Variants in RBM47 observed in about 807,000 individuals in gnomAD.
The protein encoded by RBM47 is RNA binding motif protein 47, also known as RNA-binding protein 47.
A neutral mutation model predicts 47.1 loss-of-function variants in RBM47; 21 were observed. That is an observed-to-expected ratio of 0.45 (90% confidence interval 0.32 to 0.64). RBM47 has a LOEUF of 0.64. Among genes scored for constraint, RBM47 ranks in the 30% least tolerant of loss-of-function variants. RBM47 has a pLI of 0.05. For synonymous variants in RBM47, 375 were observed against 361.7 expected, an observed-to-expected ratio of 1.04 and a Z score of -0.42; for missense variants, 708 against 870.9, an observed-to-expected ratio of 0.81 and a Z score of 2.35.
intron 2 of RBM47, among the ~76,000 whole-genome samples, chr4:40,526,705 A>C (rs406615): frequency 0.045 from 6,682 of 149,602 alleles, 389 homozygotes; most frequent in African/African-American, 0.14. Context: ...TCCTGAGTAG[A>C]CTGCAGGTGT....
At chr4:40,554,734 T>A (rs1329500714) in intron 1 of RBM47, among the ~76,000 whole-genome samples, 1 of 150,634 alleles carries the variant, frequency 6.6e-6, no homozygotes, top group African/African-American at 2.4e-5. Flanking sequence ...CTTCCTCCCT[T>A]CCCCCCATCT....
chr4:40,532,504 G>T (rs1490285160), intron 2 of RBM47, among the ~76,000 whole-genome samples: 1 of 149,302 alleles, frequency 6.7e-6, no homozygotes, highest in African/African-American at 2.5e-5. Flanking sequence ...GTAGAGACAG[G>T]GTTTCACCAT....
At chr4:40,447,868 G>A (rs971659931) in intron 3 of RBM47, among the ~76,000 whole-genome samples, 12 of 152,246 alleles carry the variant, frequency 7.9e-5, no homozygotes, top group Admixed American at 2.0e-4. Flanking sequence ...AAAATTAGCC[G>A]GGCATGGTGG....
chr4:40,463,293 T>C (rs1397105613), intron 3 of RBM47, among the ~76,000 whole-genome samples: 1 of 152,106 alleles, frequency 6.6e-6, no homozygotes, highest in Non-Finnish European at 1.5e-5. Flanking sequence ...CATTCATCAT[T>C]AGGGAAATGC....
intron 1 of RBM47, among the ~76,000 whole-genome samples, chr4:40,569,479 A>G (rs1016196754): frequency 8.3e-5 from 12 of 143,888 alleles, no homozygotes; most frequent in African/African-American, 2.3e-4. Flanking sequence ...GTGCGATCTC[A>G]GTTCACTGCA....
intron 6 of RBM47, among the ~76,000 whole-genome samples, chr4:40,429,227 C>T (rs1341315743): frequency 2.0e-5 from 3 of 152,068 alleles, no homozygotes; most frequent in African/African-American, 7.2e-5. Flanking sequence ...AGTAGTAATG[C>T]TGGCAATTTG....
At position 40,425,645 on chromosome 4, in the gene RBM47, T is replaced by A; in HGVS notation, c.*259A>T. On this transcript the variant is annotated 3_prime_UTR_variant, in exon 7 of 7. Transcript: ENST00000295971. ...ACCTCTATACAAATGTAGTACAGCA[T>A]ACAAATTTTTAAAAGATGGAATGAA... 2.4e-6 allele frequency: 1 copy of A among 421,702 alleles called. No individual in the cohort carries two copies. The highest frequency in any genetic ancestry group is 4.3e-6 in the Non-Finnish European group (1 of 233,972). The allele number at this position is 421,702 out of a possible 1,614,324, so 26.1% of individuals were successfully genotyped here.
Position 40,436,642 on chromosome 4 carries a change from T to G in RBM47, c.1129A>C (p.Ser377Arg). The change falls in exon 5 of 7, where the codon AGC becomes CGC. Residue 377 changes from serine to arginine, a missense_variant. By Grantham distance (110) the Ser-to-Arg change is moderately radical. Transcript: ENST00000295971. ...PNRDYFVKAG[S>R]IRGRGRGAAG... ...GCACCTCGCCCTCGGCCTCTTATGC[T>G]GCCTGCTTGTAATAACAACACAAAA... The G allele has an allele frequency of 6.2e-7, 1 of 1,613,798 alleles. No individual in the cohort carries two copies. Among genetic ancestry groups the G allele is most frequent in the Non-Finnish European group, 8.5e-7 (1 of 1,179,906 alleles).
chr4:40,491,192 G>A (rs1208237420), intron 2 of RBM47, among the ~76,000 whole-genome samples: 2 of 152,174 alleles, frequency 1.3e-5, no homozygotes, highest in Non-Finnish European at 2.9e-5. Flanking sequence ...GTGGTCAATC[G>A]ATTCCGGACA....
chr4:40,562,456 T>C (rs1476947134), intron 1 of RBM47, among the ~76,000 whole-genome samples: 4 of 144,036 alleles, frequency 2.8e-5, no homozygotes, highest in Admixed American at 1.4e-4. Flanking sequence ...CTCCCACTTC[T>C]CCCTATTTTT....
chr4:40,480,942 C>T lies in RBM47; in HGVS notation c.-154-14243G>A, dbSNP rs1446663484. ...TGTGTAACATTATAGCCCTTTCTTCCACTTGTGCTAAGGAAAAGCCAGCTA... is the reference window on the plus strand; with the variant it reads ...TGTGTAACATTATAGCCCTTTCTTCTACTTGTGCTAAGGAAAAGCCAGCTA... On this transcript the variant is annotated intron_variant, in intron 2 of 6. Transcript: ENST00000295971. Among the ~76,000 whole-genome samples, 3 of 152,134 alleles carry T rather than the reference C, an allele frequency of 2.0e-5. No homozygotes were observed. The East Asian group carries it at 5.8e-4, about 29-fold the overall frequency.
At chr4:40,555,257 G>A (rs575025436) in intron 1 of RBM47, among the ~76,000 whole-genome samples, 26 of 152,102 alleles carry the variant, frequency 1.7e-4, no homozygotes, top group Non-Finnish European at 2.2e-4. Context: ...TAATAGAGAC[G>A]GGATTTTGCC....
chr4:40,428,478 C>A (rs1256549091), intron 6 of RBM47, among the ~76,000 whole-genome samples: 2 of 152,186 alleles, frequency 1.3e-5, no homozygotes, highest in Admixed American at 6.5e-5. Flanking sequence ...CATTTTACAA[C>A]CAGGGAGAGG....
intron 4 of RBM47, among the ~76,000 whole-genome samples, 154 bp downstream of exon 4, chr4:40,437,617 A>C (rs1021162377): frequency 1.3e-5 from 2 of 152,140 alleles, no homozygotes; most frequent in Non-Finnish European, 2.9e-5. Flanking sequence ...CGGTGCCAGG[A>C]AAGAATTAGA....
intron 1 of RBM47, among the ~76,000 whole-genome samples, chr4:40,583,396 A>G (rs1481193388): frequency 4.9e-5 from 5 of 102,814 alleles, no homozygotes; most frequent in South Asian, 3.1e-4. Context: ...CAGAAAAAAA[A>G]AAAAAAAAAA....
At chr4:40,581,458 A>AAAT (rs1553904700) in intron 1 of RBM47, among the ~76,000 whole-genome samples, 9 of 149,498 alleles carry the variant, frequency 6.0e-5, no homozygotes, top group East Asian at 1.9e-4. Context: ...ATAAATAAAT[A>AAAT]AATAAATAAA....
intron 1 of RBM47, among the ~76,000 whole-genome samples, chr4:40,606,015 CG>C (rs576561434): frequency 3.3e-4 from 49 of 148,666 alleles, no homozygotes; most frequent in African/African-American, 1.2e-3. Flanking sequence ...CTGGCCACCA[CG>C]GTGAAAGCCT....
intron 3 of RBM47, among the ~76,000 whole-genome samples, chr4:40,449,929 G>C (rs1715152829): frequency 6.6e-6 from 1 of 152,100 alleles, no homozygotes; most frequent in African/African-American, 2.4e-5. Flanking sequence ...TGATCCGCCT[G>C]CCTTGGCCTC....
intron 1 of RBM47, among the ~76,000 whole-genome samples, chr4:40,554,163 C>G (rs1729849491): frequency 6.6e-6 from 1 of 152,102 alleles, no homozygotes; most frequent in South Asian, 2.1e-4. Context: ...TCTCTAAGGC[C>G]TCATTCAACT....
Sources: allele counts gnomAD v4.1 joint callset (sites outside exome capture counted in the v4.1 genomes callset), GRCh38; gene constraint gnomAD v4.1.1; transcripts MANE v1.5; gene names NCBI Gene and HGNC (gene_info 2026-07-23, HGNC 2026-07-21).